The following LAMA2 variants were observed in gnomAD, a reference collection of about 807,000 sequenced individuals.
LAMA2 encodes laminin subunit alpha 2.
Under a neutral mutation model 364.8 loss-of-function variants are expected in LAMA2, and 269 were observed. The observed-to-expected ratio is 0.74, with a 90% CI of 0.67 to 0.82. The LOEUF (loss-of-function observed/expected upper bound fraction) is 0.82. LAMA2 is among the 40% of genes least tolerant of loss of function. LAMA2 has a pLI of 0.00. For missense variants in LAMA2, 3,807 were observed against 3,873.2 expected, an observed-to-expected ratio of 0.98 and a Z score of 0.45; for synonymous variants, 1,379 against 1,370.6, an observed-to-expected ratio of 1.01 and a Z score of -0.14.
chr6:129,281,015 T>C (rs185891591), intron 18 of LAMA2, among the ~76,000 whole-genome samples: 6 of 152,202 alleles, frequency 3.9e-5, no homozygotes, highest in Admixed American at 3.3e-4. Flanking sequence ...ATGCATAAAA[T>C]TAATGAAGCA....
intron 4 of LAMA2, among the ~76,000 whole-genome samples, chr6:129,100,351 G>A (rs1173909342): frequency 2.0e-5 from 3 of 152,080 alleles, no homozygotes; most frequent in Admixed American, 1.3e-4. Flanking sequence ...GTTTCCTTAC[G>A]TCTATTTGTC....
intron 4 of LAMA2, among the ~76,000 whole-genome samples, chr6:129,141,880 G>C (rs1202338691): frequency 6.7e-6 from 1 of 149,444 alleles, no homozygotes; most frequent in Non-Finnish European, 1.5e-5. Context: ...ATGTGTGTGT[G>C]AGTGTGAGTG....
chr6:128,909,183 G>T (rs1777711477), intron 1 of LAMA2, among the ~76,000 whole-genome samples: 1 of 151,752 alleles, frequency 6.6e-6, no homozygotes, highest in Admixed American at 6.6e-5. Context: ...TCAATTCCTG[G>T]GTATCCTTGT....
intron 44 of LAMA2, among the ~76,000 whole-genome samples, chr6:129,444,851 A>C (rs944231178): frequency 6.6e-6 from 1 of 152,236 alleles, no homozygotes. Context: ...AATAAATGAC[A>C]TAGTGTGGAT....
intron 1 of LAMA2, among the ~76,000 whole-genome samples, chr6:128,906,092 C>T (rs1179676299): frequency 6.7e-5 from 10 of 149,378 alleles, no homozygotes; most frequent in Non-Finnish European, 1.3e-4. Flanking sequence ...CCGCAATAAA[C>T]ATATGTGTGC....
At chr6:129,215,904 G>A (rs1783396643) in intron 12 of LAMA2, among the ~76,000 whole-genome samples, 1 of 152,160 alleles carries the variant, frequency 6.6e-6, no homozygotes, top group Non-Finnish European at 1.5e-5. Context: ...GAATCTGAGG[G>A]AAGATGTATT....
At position 129,081,216 on chromosome 6, in the gene LAMA2, G is replaced by T. The variant is rs1472594712; in HGVS notation, c.397-16957G>T. 3.3e-5 allele frequency among the ~76,000 whole-genome samples: 5 copies of T among 151,542 alleles called. No homozygotes were observed. In the East Asian group the frequency reaches 9.8e-4, roughly 30 times the overall value. ...AATGAGAACACTTGGACACAGGGTG[G>T]GTAACATCACACACCGGGGCCTGTT... On this transcript the variant is annotated intron_variant, in intron 3 of 64. Transcript: ENST00000421865.
intron 1 of LAMA2, among the ~76,000 whole-genome samples, chr6:128,955,070 T>C (rs765938578): frequency 5.3e-5 from 8 of 151,884 alleles, no homozygotes; most frequent in Non-Finnish European, 1.0e-4. Context: ...TTTTTATCCA[T>C]AGTAGTAAGT....
At chr6:129,298,698 A>G (rs1773358419) in intron 21 of LAMA2, among the ~76,000 whole-genome samples, 1 of 152,182 alleles carries the variant, frequency 6.6e-6, no homozygotes, top group Non-Finnish European at 1.5e-5. Context: ...TGTTGTGGCA[A>G]ATTTAAGTAG....
chr6:129,338,526 A>G (rs753405790), intron 29 of LAMA2, among the ~76,000 whole-genome samples: 1 of 152,184 alleles, frequency 6.6e-6, no homozygotes, highest in Non-Finnish European at 1.5e-5. Flanking sequence ...TGGCACTTAA[A>G]TCAATGGCAA....
chr6:129,310,717 G>C (rs1426395291), intron 22 of LAMA2, among the ~76,000 whole-genome samples: 2 of 152,132 alleles, frequency 1.3e-5, no homozygotes, highest in Non-Finnish European at 2.9e-5. Flanking sequence ...CAGAAGAGCA[G>C]CTACTCCCTC....
intron 18 of LAMA2, among the ~76,000 whole-genome samples, chr6:129,280,683 C>T (rs1322401992): frequency 6.6e-6 from 1 of 152,130 alleles, no homozygotes; most frequent in Non-Finnish European, 1.5e-5. Flanking sequence ...GGTTGCTTTG[C>T]AGCAGAAACA....
chr6:129,019,096 C>T (rs1158392738), intron 1 of LAMA2, among the ~76,000 whole-genome samples: 1 of 151,908 alleles, frequency 6.6e-6, no homozygotes, highest in East Asian at 1.9e-4. Flanking sequence ...TTGGATCTAC[C>T]TTGTCAGGGA....
intron 51 of LAMA2, among the ~76,000 whole-genome samples, chr6:129,467,899 T>A (rs1417598281): frequency 6.6e-6 from 1 of 151,916 alleles, no homozygotes; most frequent in African/African-American, 2.4e-5. Context: ...TTCCAGATTT[T>A]ACTAGAGCTA....
chr6:129,469,575 T>C (rs1179386137), intron 51 of LAMA2, among the ~76,000 whole-genome samples: 2 of 151,852 alleles, frequency 1.3e-5, no homozygotes, highest in Non-Finnish European at 2.9e-5. Context: ...TACAAACCAA[T>C]CATTTCACTC....
chr6:129,320,638 T>G lies in LAMA2; in HGVS notation c.4159T>G (p.Ser1387Ala). 3 of 1,609,670 alleles carry G rather than the reference T, an allele frequency of 1.9e-6. No individual in the cohort carries two copies. The highest frequency in any genetic ancestry group is 2.6e-6 in the Non-Finnish European group (3 of 1,176,014). Residue 1387 changes from serine (S) to alanine (A), a missense_variant, in exon 28 of 65, where the codon TCT becomes GCT. By Grantham distance (99) the Ser-to-Ala change is moderately conservative. Around this residue, in one of 3 missense-constraint regions of LAMA2, gnomAD observed 3,333 missense variants for 3,345.7 expected, o/e 1.00. Coordinates refer to ENST00000421865, the MANE Select transcript of LAMA2 (RefSeq NM_000426.4). ...IEKCDCPLGYSGLSCEACLPG... is the reference protein window; with the variant it reads ...IEKCDCPLGYAGLSCEACLPG... ...AAAATGTGATTGTCCCCTGGGCTAT[T>G]CTGGCCTGTCCTGTGAGGTAAGCTA...
At chr6:129,512,583 G>T in intron 63 of LAMA2, 90 bp downstream of exon 63, 1 of 1,403,042 alleles carries the variant, frequency 7.1e-7, no homozygotes, top group Non-Finnish European at 1.0e-6. Flanking sequence ...CGAATATTTT[G>T]AAGCCCGGCT....
In LAMA2 at chr6:129,393,125, T is replaced by G. The variant is rs753871406; in HGVS notation, c.5315T>G (p.Leu1772Arg). The change falls in exon 37 of 65, where the codon CTC becomes CGC. Residue 1772 changes from leucine to arginine, a missense_variant. By Grantham distance (102) the Leu-to-Arg change is moderately radical. Transcript: ENST00000421865. ...RGENEEMEKDLREKLADYKNK... is the reference protein window; with the variant it reads ...RGENEEMEKDRREKLADYKNK... ...GAAAATGAAGAAATGGAGAAGGATC[T>G]CCGGGAAAAACTGGCTGACTACAAA... 1 of 1,614,018 alleles carries G rather than the reference T, an allele frequency of 6.2e-7. No individual in the cohort carries two copies. The highest frequency in any genetic ancestry group is 2.2e-5 in the East Asian group (1 of 44,866).
chr6:129,208,143 C>T (rs2115065315), intron 12 of LAMA2, among the ~76,000 whole-genome samples: 1 of 152,216 alleles, frequency 6.6e-6, no homozygotes, highest in Admixed American at 6.5e-5. Flanking sequence ...TTTCTTACTC[C>T]CAGCATTATT....
Sources: allele counts gnomAD v4.1 joint callset (sites outside exome capture counted in the v4.1 genomes callset), GRCh38; gene constraint gnomAD v4.1.1; regional missense constraint gnomAD v4.1.1; transcripts MANE v1.5; gene names NCBI Gene and HGNC (gene_info 2026-07-23, HGNC 2026-07-21).